The following PI4KA variants were observed in gnomAD, a reference collection of about 807,000 sequenced individuals.
PI4KA encodes the protein phosphatidylinositol 4-kinase alpha.
Under a neutral mutation model 271.4 loss-of-function variants are expected in PI4KA, and 122 were observed. The observed-to-expected ratio is 0.45, with a 90% confidence interval of 0.39 to 0.52. PI4KA has a LOEUF of 0.52. Ranked by LOEUF, PI4KA falls within the 20% of genes least tolerant of loss-of-function variation. The pLI, the probability that PI4KA is intolerant of heterozygous loss-of-function variation, is 0.00. For synonymous variants in PI4KA, 1,041 were observed against 1,078.8 expected (o/e 0.96, Z 0.69); for missense variants, 1,969 against 2,769.1 (o/e 0.71, Z 6.48).
chr22:20,719,444 T>G (rs1212267114), intron 43 of PI4KA, among the ~76,000 whole-genome samples: 4 of 151,948 alleles, frequency 2.6e-5, no homozygotes, highest in Admixed American at 6.6e-5. Flanking sequence ...AAAGTATCCT[T>G]TGTGATGAAA....
At chr22:20,815,379 CAAAAAAAAAAA>C (rs361826) in intron 7 of PI4KA, among the ~76,000 whole-genome samples, 1 of 83,970 alleles carries the variant, frequency 1.2e-5, no homozygotes, top group African/African-American at 4.5e-5. Flanking sequence ...GACTGCGTCT[CAAAAAAAAAAA>C]AAAAAAAAAA....
rs1054145698 is a variant in PI4KA at position 20,801,970 on chromosome 22, C to T, written c.1724+3G>A. The stretch of plus-strand genomic sequence containing the variant: ...TCTACTCGCCACTTGCCCAGCTTCC[C>T]ACCTGCAGATGTTGTCAATAGCGAT... On this transcript the variant is annotated splice_donor_region_variant and intron_variant, in intron 14 of 54. Transcript: ENST00000255882. 3 of 1,613,788 alleles carry T rather than the reference C, an allele frequency of 1.9e-6. No individual in the cohort carries two copies. Among genetic ancestry groups the T allele is most frequent in the Non-Finnish European group, 2.5e-6 (3 of 1,179,922 alleles).
chr22:20,748,614 T>C (rs771045584), intron 28 of PI4KA, among the ~76,000 whole-genome samples: 59 of 152,154 alleles, frequency 3.9e-4, no homozygotes, highest in Non-Finnish European at 8.4e-4. Context: ...CTGGAACAGA[T>C]GCAGGCCCTG....
chr22:20,713,332 C>T lies in PI4KA; in HGVS notation c.5520G>A (p.Gln1840=). 3 of 1,600,084 alleles carry T rather than the reference C, an allele frequency of 1.9e-6. No individual in the cohort carries two copies. Among genetic ancestry groups the T allele is most frequent in the Non-Finnish European group, 1.7e-6 (2 of 1,172,506 alleles). The change falls in exon 48 of 55, where the codon CAG becomes CAA. Residue 1840 remains glutamine (Q), a synonymous_variant. Coordinates refer to ENST00000255882, the MANE Select transcript of PI4KA (RefSeq NM_058004.4). ...AGATGGCTGCCTGCCAGGAGATCTTCTGGCCGTCGGCCTCCTGCGTGCTGC... is the reference window on the plus strand; with the variant it reads ...AGATGGCTGCCTGCCAGGAGATCTTTTGGCCGTCGGCCTCCTGCGTGCTGC... ...DECSTQEADG[Q]KISWQAAIFK...
intron 36 of PI4KA, among the ~76,000 whole-genome samples, chr22:20,732,336 C>A (rs747441089): frequency 6.6e-6 from 1 of 152,164 alleles, no homozygotes; most frequent in East Asian, 1.9e-4. Flanking sequence ...GCCAAGATTG[C>A]GCTACTGCAC....
In PI4KA at chr22:20,747,727, T is replaced by G. The variant is rs753341489; in HGVS notation, c.3244-25A>C. On this transcript the variant is annotated intron_variant, in intron 28 of 54. Transcript: ENST00000255882. Reference sequence around the variant, plus strand: ...CCTGAAATAGGAAAAACACATGGGGTTTCAGTTATTTATCTGATTTTTTTA... The same window carrying G: ...CCTGAAATAGGAAAAACACATGGGGGTTCAGTTATTTATCTGATTTTTTTA... 3 of 1,605,934 alleles carry G rather than the reference T, an allele frequency of 1.9e-6. No homozygotes were observed. The Admixed American group carries it at 5.0e-5, about 27-fold the overall frequency.
chr22:20,801,194 A>C (rs1204538265), intron 14 of PI4KA, among the ~76,000 whole-genome samples: 1 of 151,524 alleles, frequency 6.6e-6, no homozygotes, highest in African/African-American at 2.4e-5. Context: ...CAGGCCTCTT[A>C]TTATGTTTAT....
rs375081414 is a variant in PI4KA, at chr22:20,804,294, A to G, written c.1461+6T>C. On this transcript the variant is annotated splice_donor_region_variant and intron_variant, in intron 12 of 54. Transcript: ENST00000255882. Reference sequence around the variant, plus strand: ...TCTGAGCCTCTCTGGGTTCAGGGAGACTGACCTGCAGACAGCAGATCAGCA... The same window carrying G: ...TCTGAGCCTCTCTGGGTTCAGGGAGGCTGACCTGCAGACAGCAGATCAGCA... 63 of 1,598,712 alleles carry G rather than the reference A, an allele frequency of 3.9e-5. No individual in the cohort carries two copies. The African/African-American group carries it at 7.5e-4, about 19-fold the overall frequency.
intron 1 of PI4KA, among the ~76,000 whole-genome samples, chr22:20,851,822 T>C (rs763712100): frequency 6.6e-6 from 1 of 152,204 alleles, no homozygotes; most frequent in African/African-American, 2.4e-5. Flanking sequence ...CAAATGAAAG[T>C]AGCGTTCTGG....
In PI4KA at chr22:20,807,158, G is replaced by A. The variant is rs372072595; in HGVS notation, c.1168+204C>T. 1.1e-4 allele frequency among the ~76,000 whole-genome samples: 17 copies of A among 152,290 alleles called. No homozygotes were observed. The South Asian group carries it at 2.9e-3, about 26-fold the overall frequency. ...TAAACTCAGCAAAGGAGCCATCATC[G>A]ATGGTACCGGGGTTGCAGGATCATG... On this transcript the variant is annotated intron_variant, in intron 10 of 54. Transcript: ENST00000255882.
rs435091 is a variant in PI4KA, at chr22:20,709,708, C to T, written c.6173+200G>A. 0.37 allele frequency among the ~76,000 whole-genome samples: 30,098 copies of T among 81,398 alleles called. 5,574 individuals are homozygous for T. Among genetic ancestry groups the T allele is most frequent in the African/African-American group, 0.49 (9,493 of 19,352 alleles). The allele number at this position is 81,398 out of a possible 152,430, so 53.4% of individuals were successfully genotyped here. On this transcript the variant is annotated intron_variant, in intron 53 of 54. Transcript: ENST00000255882. ...CATAAAGAGGCCCCTGGGTGGGTCT[C>T]TGGTGTGGCCGGCACAAGCAGGGGC...
Position 20,806,073 on chromosome 22 carries a change from T to C in PI4KA, c.1169-908A>G, listed in dbSNP as rs1935636673. On this transcript the variant is annotated intron_variant, in intron 10 of 54. Coordinates refer to ENST00000255882, the MANE Select transcript of PI4KA (RefSeq NM_058004.4). ...TGGTGGGGAGGGCAGGGGTAATCCC[T>C]GATGCCCCTTCTTAGGGAGTTTCAA... Among the ~76,000 whole-genome samples, 9 of 152,144 alleles carry C rather than the reference T, an allele frequency of 5.9e-5. 1 individual carries two copies. In the South Asian group the frequency reaches 1.9e-3, roughly 32 times the overall value.
rs541850698 is a variant in PI4KA at position 20,854,497 on chromosome 22, T to C, written c.156+4073A>G. The stretch of plus-strand genomic sequence containing the variant: ...TTTCATGGACTGGGATTAGAGTGAG[T>C]GACTAGAGTAAGTAAACACAACTGT... On this transcript the variant is annotated intron_variant, in intron 1 of 54. Coordinates refer to ENST00000255882, the MANE Select transcript of PI4KA (RefSeq NM_058004.4). 2.6e-5 allele frequency among the ~76,000 whole-genome samples: 4 copies of C among 151,798 alleles called. No homozygotes were observed. In the South Asian group the frequency reaches 8.3e-4, roughly 32 times the overall value.
intron 42 of PI4KA, among the ~76,000 whole-genome samples, chr22:20,725,055 G>T (rs192313117): frequency 6.6e-6 from 1 of 152,328 alleles, no homozygotes; most frequent in Non-Finnish European, 1.5e-5. Context: ...TCTTTCAGCA[G>T]AGGCTGGCTG....
At chr22:20,760,604 CCAAA>C (rs1931861773) in intron 23 of PI4KA, among the ~76,000 whole-genome samples, 1 of 152,194 alleles carries the variant, frequency 6.6e-6, no homozygotes, top group African/African-American at 2.4e-5. Context: ...GGACCACTAC[CCAAA>C]CAATCTAGAG....
intron 14 of PI4KA, among the ~76,000 whole-genome samples, chr22:20,801,035 C>A (rs1190044341): frequency 6.7e-6 from 1 of 149,052 alleles, no homozygotes; most frequent in African/African-American, 2.5e-5. Flanking sequence ...GGATTACAGG[C>A]ACGTGCCACC....
intron 1 of PI4KA, among the ~76,000 whole-genome samples, chr22:20,840,029 A>G (rs1202559204): frequency 6.6e-6 from 1 of 152,206 alleles, no homozygotes; most frequent in African/African-American, 2.4e-5. Flanking sequence ...ATCAAAGCCT[A>G]TGTACTTTGC....
chr22:20,822,834 C>T (rs1040112645), intron 4 of PI4KA, among the ~76,000 whole-genome samples: 2 of 152,168 alleles, frequency 1.3e-5, no homozygotes, highest in Non-Finnish European at 2.9e-5. Flanking sequence ...TTGTTCATAA[C>T]CAAGTCAAAT....
At chr22:20,730,283 T>C (rs5760215) in intron 36 of PI4KA, among the ~76,000 whole-genome samples, 3 of 58,826 alleles carry the variant, frequency 5.1e-5, no homozygotes, top group Non-Finnish European at 1.1e-4. Context: ...TATTTACTTA[T>C]TTATTTTTGA....
Sources: allele counts gnomAD v4.1 joint callset (sites outside exome capture counted in the v4.1 genomes callset), GRCh38; gene constraint gnomAD v4.1.1; transcripts MANE v1.5; gene names NCBI Gene and HGNC (gene_info 2026-07-23, HGNC 2026-07-21).